The following FAM169A variants were observed in gnomAD, a reference collection of about 807,000 sequenced individuals.
FAM169A encodes the protein family with sequence similarity 169 member A.
FAM169A carries 24 observed loss-of-function variants against 75.7 expected under a neutral mutation model. The observed-to-expected ratio is 0.32, with a 90% CI of 0.23 to 0.45. The LOEUF (loss-of-function observed/expected upper bound fraction) is 0.45. FAM169A is among the 20% of genes least tolerant of loss of function. FAM169A has a pLI of 1.00. For synonymous variants in FAM169A, 271 were observed against 271.0 expected (o/e 1.00, Z 0.00); for missense variants, 673 against 784.0 (o/e 0.86, Z 1.69).
At chr5:74,816,546 A>AT (rs1747481207) in intron 5 of FAM169A, among the ~76,000 whole-genome samples, 1 of 152,128 alleles carries the variant, frequency 6.6e-6, no homozygotes, top group East Asian at 1.9e-4. Context: ...TCAGAAAATC[A>AT]TACTGGTTCT....
intron 1 of FAM169A, among the ~76,000 whole-genome samples, chr5:74,857,040 C>A (rs1362538541): frequency 6.9e-6 from 1 of 144,386 alleles, no homozygotes; most frequent in African/African-American, 2.6e-5. Flanking sequence ...ATCCCGGAGC[C>A]GGAGGTTGCA....
At chr5:74,812,036 T>C (rs1019980474) in intron 6 of FAM169A, among the ~76,000 whole-genome samples, 2 of 152,218 alleles carry the variant, frequency 1.3e-5, no homozygotes, top group Non-Finnish European at 2.9e-5. Context: ...TAGAAGTACA[T>C]AGAAGGCTTC....
chr5:74,809,844 G>A (rs1235326196), intron 6 of FAM169A, among the ~76,000 whole-genome samples: 1 of 152,140 alleles, frequency 6.6e-6, no homozygotes, highest in Non-Finnish European at 1.5e-5. Context: ...ACCAAGTGTT[G>A]GTGAGTACAC....
intron 10 of FAM169A, chr5:74,798,868 G>A (rs1746414151): frequency 3.9e-6 from 2 of 512,470 alleles, no homozygotes; most frequent in East Asian, 4.2e-5. Flanking sequence ...AAGTAAAATT[G>A]AGGGTATTTT....
chr5:74,787,807 G>A (rs1745771083), intron 11 of FAM169A, among the ~76,000 whole-genome samples: 1 of 152,122 alleles, frequency 6.6e-6, no homozygotes, highest in African/African-American at 2.4e-5. Flanking sequence ...TTGATAGGAA[G>A]CCTACTGAAT....
chr5:74,809,174 G>A (rs1181633930), intron 6 of FAM169A, among the ~76,000 whole-genome samples: 1 of 152,104 alleles, frequency 6.6e-6, no homozygotes, highest in Non-Finnish European at 1.5e-5. Flanking sequence ...AGTAGGATGG[G>A]AGATGTAAAC....
intron 10 of FAM169A, among the ~76,000 whole-genome samples, chr5:74,797,361 G>C (rs1024502426): frequency 6.6e-6 from 1 of 152,140 alleles, no homozygotes; most frequent in Non-Finnish European, 1.5e-5. Flanking sequence ...ATTTTTAGTA[G>C]TGACAGGGTT....
At position 74,781,357 on chromosome 5, in the gene FAM169A, G is replaced by T; in HGVS notation, c.*103C>A. ...GTAAGTAAGTTCAAATTGAAATTTT[G>T]GAAATTTTTGTCCTGTGCCCCATGC... On this transcript the variant is annotated 3_prime_UTR_variant, in exon 13 of 13. Coordinates refer to ENST00000687041, the MANE Select transcript of FAM169A (RefSeq NM_001376049.1). The T allele has an allele frequency of 8.8e-7, 1 of 1,139,384 alleles. No individual in the cohort carries two copies. The highest frequency in any genetic ancestry group is 1.2e-6 in the Non-Finnish European group (1 of 804,744). The allele number at this position is 1,139,384 out of a possible 1,614,324, so 70.6% of individuals were successfully genotyped here. A position where few individuals can be genotyped will look rare whatever the true frequency, so the allele number is the denominator to read the frequency against.
Position 74,777,763 on chromosome 5 carries a change from A to C in FAM169A, c.*3697T>G, listed in dbSNP as rs1745195402. On this transcript the variant is annotated 3_prime_UTR_variant, in exon 13 of 13. Coordinates refer to ENST00000687041, the MANE Select transcript of FAM169A (RefSeq NM_001376049.1). The stretch of plus-strand genomic sequence containing the variant: ...GGAAACAATCACAAAATATAGGTTT[A>C]ATTACTACTTTTAAACTTAAAAAAA... 1 of 152,052 alleles carries C rather than the reference A, an allele frequency of 6.6e-6. No individual in the cohort carries two copies. The highest frequency in any genetic ancestry group is 2.1e-4 in the South Asian group (1 of 4,834). 9.4% of individuals were successfully genotyped at this position (152,052 alleles called of 1,614,324 possible). A position where few individuals can be genotyped will look rare whatever the true frequency, so the allele number is the denominator to read the frequency against.
At chr5:74,834,313 A>T in intron 5 of FAM169A, 113 bp downstream of exon 5, 45 of 504,738 alleles carry the variant, frequency 8.9e-5, no homozygotes, top group Non-Finnish European at 1.3e-4. Flanking sequence ...ACTAATTAAA[A>T]TCACCTCAAT....
intron 1 of FAM169A, among the ~76,000 whole-genome samples, chr5:74,856,572 TA>T (rs548698619): frequency 1.6e-4 from 24 of 152,060 alleles, no homozygotes; most frequent in Non-Finnish European, 2.5e-4. Flanking sequence ...AAAATAGAGC[TA>T]GGGGAAAAAT....
intron 5 of FAM169A, among the ~76,000 whole-genome samples, chr5:74,819,405 T>C (rs1322917953): frequency 1.3e-5 from 2 of 152,112 alleles, no homozygotes; most frequent in Admixed American, 1.3e-4. Context: ...AAATAGCAAG[T>C]GTTGGCTAAG....
chr5:74,864,677 TCA>T (rs2112764589), intron 1 of FAM169A, among the ~76,000 whole-genome samples: 1 of 152,346 alleles, frequency 6.6e-6, no homozygotes, highest in African/African-American at 2.4e-5. Context: ...ATGTTGCTAC[TCA>T]CATAAGCTAT....
rs1456968157 is a variant in FAM169A at position 74,783,114 on chromosome 5, C to T, written c.1281G>A (p.Met427Ile). 3 of 1,612,778 alleles carry T rather than the reference C, an allele frequency of 1.9e-6. No homozygotes were observed. The highest frequency in any genetic ancestry group is 2.5e-6 in the Non-Finnish European group (3 of 1,179,142). The change falls in exon 12 of 13, where the codon ATG (methionine) becomes ATA (isoleucine). Residue 427 changes from methionine to isoleucine, a missense_variant. Physicochemically the swap from Met to Ile is conservative, Grantham distance 10. Around this residue, in one of 3 missense-constraint regions of FAM169A, gnomAD observed 510 missense variants for 550.9 expected, o/e 0.93. Coordinates refer to ENST00000687041, the MANE Select transcript of FAM169A (RefSeq NM_001376049.1). ...GAGAATCGTCCATTATCTCACCATTCATAGGCTCTAATTCAGATTCCTACA... is the reference window on the plus strand; with the variant it reads ...GAGAATCGTCCATTATCTCACCATTTATAGGCTCTAATTCAGATTCCTACA... The part of the protein sequence containing the change: ...DGEKESELEP[M>I]NGEIMDDSLK...
intron 4 of FAM169A, among the ~76,000 whole-genome samples, chr5:74,835,836 CCAA>C (rs1299915469): frequency 2.6e-5 from 4 of 152,254 alleles, no homozygotes; most frequent in East Asian, 3.9e-4. Context: ...ACAGTTCTGA[CCAA>C]CAACAATTCT....
chr5:74,833,209 C>T (rs1748406903), intron 5 of FAM169A, among the ~76,000 whole-genome samples: 1 of 152,156 alleles, frequency 6.6e-6, no homozygotes, highest in Admixed American at 6.5e-5. Context: ...CTCCAATTCC[C>T]ACAGGAATTG....
intron 1 of FAM169A, among the ~76,000 whole-genome samples, chr5:74,847,240 C>G (rs1175204478): frequency 6.6e-6 from 1 of 152,122 alleles, no homozygotes; most frequent in African/African-American, 2.4e-5. Flanking sequence ...ATTTCCAGAA[C>G]TTTTTCATCA....
At chr5:74,785,628 G>A (rs1745658001) in intron 11 of FAM169A, among the ~76,000 whole-genome samples, 1 of 152,180 alleles carries the variant, frequency 6.6e-6, no homozygotes, top group African/African-American at 2.4e-5. Flanking sequence ...GCCTGGCATG[G>A]TGGCACATGC....
chr5:74,815,510 T>C (rs11749137), intron 5 of FAM169A, among the ~76,000 whole-genome samples: 35,223 of 152,096 alleles, frequency 0.23, 4,307 homozygotes, highest in Middle Eastern at 0.3. Context: ...ATTGCTGACA[T>C]TTAGTTAGGC....
Sources: allele counts gnomAD v4.1 joint callset (sites outside exome capture counted in the v4.1 genomes callset), GRCh38; gene constraint gnomAD v4.1.1; regional missense constraint gnomAD v4.1.1; transcripts MANE v1.5; gene names NCBI Gene and HGNC (gene_info 2026-07-23, HGNC 2026-07-21).